The following POLN variants were observed in gnomAD, a reference collection of about 807,000 sequenced individuals.
POLN encodes the protein DNA polymerase N.
Under a neutral mutation model 113.5 loss-of-function variants are expected in POLN, and 108 were observed. The ratio of observed to expected loss-of-function variants is 0.95; its 90% CI spans 0.81 to 1.12. The LOEUF (loss-of-function observed/expected upper bound fraction) is 1.12, where lower values mean the gene tolerates loss of function less well. POLN is among the 50% of genes most tolerant of loss of function. POLN has a pLI of 0.00. For missense variants in POLN, 1,097 were observed against 1,077.1 expected (o/e 1.02, Z -0.26); for synonymous variants, 386 against 391.5 (o/e 0.99, Z 0.17).
chr4:2,212,959 G>T, intron 4 of POLN, 88 bp downstream of exon 4: 2 of 797,614 alleles, frequency 2.5e-6, no homozygotes, highest in Non-Finnish European at 3.7e-6. Flanking sequence ...GGTATCTACA[G>T]TGCCTAGCAC....
At chr4:2,178,064 C>G (rs545945232) in intron 8 of POLN, among the ~76,000 whole-genome samples, 1 of 152,346 alleles carries the variant, frequency 6.6e-6, no homozygotes, top group East Asian at 1.9e-4. Context: ...ACTTATAACC[C>G]CAAAACCCTA....
At chr4:2,147,200 T>C (rs947230477) in intron 16 of POLN, among the ~76,000 whole-genome samples, 4 of 152,354 alleles carry the variant, frequency 2.6e-5, no homozygotes, top group Middle Eastern at 3.4e-3. Context: ...GCCAGTATCA[T>C]GAGTGGCACT....
intron 20 of POLN, chr4:2,089,317 G>C: frequency 7.2e-7 from 1 of 1,392,110 alleles, no homozygotes; most frequent in Non-Finnish European, 9.9e-7. Flanking sequence ...CATAGATCCT[G>C]TTAATTCTGA....
chr4:2,220,710 T>C (rs1315187949), intron 3 of POLN, among the ~76,000 whole-genome samples: 1 of 152,204 alleles, frequency 6.6e-6, no homozygotes, highest in South Asian at 2.1e-4. Context: ...GCCTTAAACA[T>C]TCCCTGTTCA....
rs750480153 is a variant in POLN, at chr4:2,081,754, CAG to C, written c.2198-13_2198-12del. ...TGGACACCACACAGCCTGAGTCACA[CAG>C]AGCAAAAGTAGATGAGGGACAGAAA... On this transcript the variant is annotated splice_polypyrimidine_tract_variant and intron_variant, in intron 21 of 25. Coordinates refer to ENST00000511885, the MANE Select transcript of POLN (RefSeq NM_181808.4). 6 of 1,612,416 alleles carry C rather than the reference CAG, an allele frequency of 3.7e-6. No homozygotes were observed. Among genetic ancestry groups the C allele is most frequent in the African/African-American group, 2.7e-5 (2 of 74,854 alleles).
intron 16 of POLN, among the ~76,000 whole-genome samples, chr4:2,155,280 T>C (rs1371781475): frequency 2.6e-5 from 4 of 152,172 alleles, no homozygotes; most frequent in Non-Finnish European, 5.9e-5. Context: ...GGTGCTGGTA[T>C]TGGTATTCAC....
At chr4:2,151,799 T>C (rs1212404617) in intron 16 of POLN, among the ~76,000 whole-genome samples, 2 of 152,158 alleles carry the variant, frequency 1.3e-5, no homozygotes, top group Non-Finnish European at 2.9e-5. Context: ...AAGTCAGTGG[T>C]GGCCAAGGAC....
chr4:2,177,524 T>G (rs1292860815), intron 8 of POLN, among the ~76,000 whole-genome samples: 1 of 152,224 alleles, frequency 6.6e-6, no homozygotes, highest in Non-Finnish European at 1.5e-5. Context: ...TACAGAGACA[T>G]ATCTGGCTGA....
chr4:2,217,039 T>C (rs1320345158), intron 3 of POLN, among the ~76,000 whole-genome samples: 1 of 152,292 alleles, frequency 6.6e-6, no homozygotes, highest in Non-Finnish European at 1.5e-5. Context: ...GTCCCCATGG[T>C]GAATGTTCTT....
intron 5 of POLN, among the ~76,000 whole-genome samples, chr4:2,200,815 T>A (rs546694576): frequency 6.6e-6 from 1 of 152,090 alleles, no homozygotes; most frequent in Admixed American, 6.5e-5. Flanking sequence ...TTCTTCAGCA[T>A]GCCCAAAAAA....
At chr4:2,089,594 C>T (rs1005455294) in intron 20 of POLN, 3 of 1,003,756 alleles carry the variant, frequency 3.0e-6, no homozygotes, top group Non-Finnish European at 4.4e-6. Context: ...TCTTTACTAG[C>T]ATTTAAATTA....
intron 16 of POLN, among the ~76,000 whole-genome samples, chr4:2,132,105 C>T (rs539768567): frequency 6.6e-6 from 1 of 152,302 alleles, no homozygotes; most frequent in East Asian, 1.9e-4. Context: ...GCCACATTGT[C>T]ATCCTCATTT....
intron 4 of POLN, among the ~76,000 whole-genome samples, chr4:2,210,268 A>G (rs6599418): frequency 0.68 from 102,314 of 151,544 alleles, 36,529 homozygotes; most frequent in African/African-American, 0.91. Flanking sequence ...TGAAGATCTT[A>G]CTCTGTCTTT....
chr4:2,200,815 T>C (rs546694576), intron 5 of POLN, among the ~76,000 whole-genome samples: 1 of 152,208 alleles, frequency 6.6e-6, no homozygotes, highest in South Asian at 2.1e-4. Flanking sequence ...TTCTTCAGCA[T>C]GCCCAAAAAA....
intron 19 of POLN, among the ~76,000 whole-genome samples, chr4:2,119,236 A>G (rs1323008519): frequency 3.9e-5 from 6 of 152,252 alleles, no homozygotes; most frequent in Non-Finnish European, 8.8e-5. Flanking sequence ...TTCAGTCTGA[A>G]AATGCTGAGT....
In POLN at chr4:2,176,229, G is replaced by C. The variant is rs528130321; in HGVS notation, c.1248+37C>G. 3.9e-6 allele frequency: 6 copies of C among 1,531,694 alleles called. No individual in the cohort carries two copies. In the African/African-American group the frequency reaches 8.2e-5, roughly 21 times the overall value. 94.9% of individuals were successfully genotyped at this position (1,531,694 alleles called of 1,614,324 possible). A position where few individuals can be genotyped will look rare whatever the true frequency, so the allele number is the denominator to read the frequency against. On this transcript the variant is annotated intron_variant, in intron 9 of 25. Coordinates refer to ENST00000511885, the MANE Select transcript of POLN (RefSeq NM_181808.4). ...GCCAATGAAAAGACATCTCTTGTGAGCCTCTGTCAGCCAGAAATTATAATA... is the reference window on the plus strand; with the variant it reads ...GCCAATGAAAAGACATCTCTTGTGACCCTCTGTCAGCCAGAAATTATAATA...
intron 16 of POLN, among the ~76,000 whole-genome samples, chr4:2,134,190 C>T (rs1423883075): frequency 6.6e-6 from 1 of 152,140 alleles, no homozygotes; most frequent in Non-Finnish European, 1.5e-5. Flanking sequence ...GGCTTTGTAG[C>T]TTATTCCTTT....
intron 20 of POLN, among the ~76,000 whole-genome samples, chr4:2,095,327 C>T (rs893122485): frequency 6.6e-6 from 1 of 152,182 alleles, no homozygotes; most frequent in African/African-American, 2.4e-5. Flanking sequence ...CCGCTTTCTC[C>T]TATCTGCTAC....
Position 2,090,206 on chromosome 4 carries a change from A to G in POLN, c.2066-4462T>C. The G allele has an allele frequency of 7.2e-6, 6 of 836,990 alleles. No homozygotes were observed. In the South Asian group the frequency reaches 8.2e-5, roughly 11 times the overall value. 51.8% of individuals were successfully genotyped at this position (836,990 alleles called of 1,614,324 possible). On this transcript the variant is annotated intron_variant, in intron 20 of 25. Transcript: ENST00000511885. ...CCTTACCTTTTGCTATCTTTCCTGT[A>G]GATACTCTTCCCTCATTCTTGTCCT...
Sources: gnomAD v4.1 joint callset for allele counts (sites outside exome capture counted in the v4.1 genomes callset) on GRCh38, gnomAD v4.1.1 for gene constraint, MANE v1.5 for transcripts, NCBI Gene and HGNC (gene_info 2026-07-23, HGNC 2026-07-21) for gene names.